Variants in QSOX2 observed in about 807,000 individuals in gnomAD.
The protein encoded by QSOX2 is sulfhydryl oxidase 2.
In QSOX2, 46 loss-of-function variants were observed where a neutral mutation model predicts 61.7. The observed-to-expected ratio is 0.75, with a 90% CI of 0.59 to 0.95. QSOX2 has a LOEUF of 0.95. Ranked by LOEUF, QSOX2 falls within the 40% of genes least tolerant of loss-of-function variation. The probability of loss-of-function intolerance (pLI) is 0.00; values close to 1 mark genes in which losing one functional copy is unlikely to be tolerated. For synonymous variants in QSOX2, 383 were observed against 388.4 expected (o/e 0.99, Z 0.16); for missense variants, 879 against 918.9 (o/e 0.96, Z 0.56).
intron 2 of QSOX2, among the ~76,000 whole-genome samples, chr9:136,226,496 A>C (rs1191569232): frequency 6.6e-6 from 1 of 152,158 alleles, no homozygotes; most frequent in Non-Finnish European, 1.5e-5. Flanking sequence ...TGCAGGCTGC[A>C]GGGGGTCTTT....
intron 1 of QSOX2, among the ~76,000 whole-genome samples, chr9:136,240,572 T>C (rs982218731): frequency 6.6e-6 from 1 of 152,188 alleles, no homozygotes. Context: ...AGCCCCCTCT[T>C]GGCTGAGCAA....
chr9:136,228,778 A>G (rs946784382), intron 1 of QSOX2, among the ~76,000 whole-genome samples: 1 of 152,180 alleles, frequency 6.6e-6, no homozygotes, highest in Non-Finnish European at 1.5e-5. Flanking sequence ...AACGGGAGGG[A>G]ACGTTATGTC....
At chr9:136,241,187 A>G (rs12345565) in intron 1 of QSOX2, among the ~76,000 whole-genome samples, 24,917 of 152,142 alleles carry the variant, frequency 0.16, 4,136 homozygotes, top group African/African-American at 0.43. Flanking sequence ...CAGCGGGGCT[A>G]CATTAAGCCA....
intron 1 of QSOX2, among the ~76,000 whole-genome samples, chr9:136,234,922 A>AC (rs1830366952): frequency 6.6e-6 from 1 of 151,198 alleles, no homozygotes; most frequent in African/African-American, 2.4e-5. Context: ...GGACTGTGTG[A>AC]CCCCCGCTCC....
At chr9:136,232,441 C>A (rs1830340119) in intron 1 of QSOX2, among the ~76,000 whole-genome samples, 1 of 151,984 alleles carries the variant, frequency 6.6e-6, no homozygotes, top group African/African-American at 2.4e-5. Context: ...AGCCACACGG[C>A]CTAGAAATAT....
chr9:136,218,535 T>C (rs897014545), intron 8 of QSOX2, 144 bp downstream of exon 8: 8 of 959,990 alleles, frequency 8.3e-6, no homozygotes, highest in Middle Eastern at 3.4e-4. Context: ...TGGAATGAGT[T>C]GGGGCGTGGG....
In QSOX2 at chr9:136,222,027, A is replaced by T; in HGVS notation, c.676-86T>A. 2 of 1,361,400 alleles carry T rather than the reference A, an allele frequency of 1.5e-6. No homozygotes were observed. Among genetic ancestry groups the T allele is most frequent in the Non-Finnish European group, 2.0e-6 (2 of 1,021,614 alleles). The allele number at this position is 1,361,400 out of a possible 1,614,324, so 84.3% of individuals were successfully genotyped here. On this transcript the variant is annotated intron_variant, in intron 5 of 11. Transcript: ENST00000358701. The surrounding 1 kb of genome is among the most constrained non-coding windows in gnomAD (Gnocchi z 6.9). ...CGTGCAGACACATGGCCTTGCAGGG[A>T]ACCTTTCACAAAAGGGCATGAAGTC...
chr9:136,226,500 G>C (rs972825897), intron 2 of QSOX2, among the ~76,000 whole-genome samples: 4 of 152,144 alleles, frequency 2.6e-5, no homozygotes, highest in Non-Finnish European at 2.9e-5. Context: ...GGCTGCAGGG[G>C]GTCTTTTCAC....
chr9:136,216,717 G>C lies in QSOX2; in HGVS notation c.1092C>G (p.Phe364Leu). The change falls in exon 9 of 12, where the codon TTC becomes TTG. Residue 364 changes from phenylalanine (F) to leucine (L), a missense_variant. Coordinates refer to ENST00000358701, the MANE Select transcript of QSOX2 (RefSeq NM_181701.4). ...KDFVTVLAKL[F>L]PGRPPVKKLL... ...GCTTCTTGACTGGCGGCCGTCCAGGGAACAGCTGCATGAGGAAGGAGCCAC... is the reference window on the plus strand; with the variant it reads ...GCTTCTTGACTGGCGGCCGTCCAGGCAACAGCTGCATGAGGAAGGAGCCAC... 6.2e-7 allele frequency: 1 copy of C among 1,613,486 alleles called. No homozygotes were observed. The highest frequency in any genetic ancestry group is 8.5e-7 in the Non-Finnish European group (1 of 1,179,924).
chr9:136,238,411 C>T (rs1019172550), intron 1 of QSOX2, among the ~76,000 whole-genome samples: 2 of 152,226 alleles, frequency 1.3e-5, no homozygotes, highest in Admixed American at 1.3e-4. Flanking sequence ...GTCTACATGA[C>T]CTGAAACCAC....
At chr9:136,230,572 C>A (rs970692904) in intron 1 of QSOX2, among the ~76,000 whole-genome samples, 1 of 152,244 alleles carries the variant, frequency 6.6e-6, no homozygotes, top group African/African-American at 2.4e-5. Context: ...GTGACGGCAT[C>A]CTTATCACGT....
Position 136,209,723 on chromosome 9 carries a change from C to A in QSOX2, c.1550-448G>T, listed in dbSNP as rs1321405534. 2 of 984,870 alleles carry A rather than the reference C, an allele frequency of 2.0e-6. No individual in the cohort carries two copies. The highest frequency in any genetic ancestry group is 2.4e-6 in the Non-Finnish European group (2 of 829,752). The allele number at this position is 984,870 out of a possible 1,614,324, so 61.0% of individuals were successfully genotyped here. On this transcript the variant is annotated intron_variant, in intron 11 of 11. Transcript: ENST00000358701. The surrounding 1 kb of genome is among the most constrained non-coding windows in gnomAD (Gnocchi z 5.6). The stretch of plus-strand genomic sequence containing the variant: ...CCTGAGGCCCACTACCTACAGAGCC[C>A]CGGCCACCTGGGTGCTATGGACAGT...
intron 1 of QSOX2, among the ~76,000 whole-genome samples, chr9:136,231,897 T>TCTCCACCACCTCCACCCC (rs1830334369): frequency 2.8e-5 from 1 of 36,118 alleles, no homozygotes; most frequent in Non-Finnish European, 6.3e-5. Flanking sequence ...CCCTCCACCC[T>TCTCCACCACCTCCACCCC]CTCCACCCCC....
chr9:136,215,307 G>C lies in QSOX2; in HGVS notation c.1210-3C>G. 2 of 1,579,342 alleles carry C rather than the reference G, an allele frequency of 1.3e-6. No homozygotes were observed. Among genetic ancestry groups the C allele is most frequent in the Non-Finnish European group, 1.7e-6 (2 of 1,164,290 alleles). ...TTAGTAAGGAATATTCCAGAAATCT[G>C]AAAAACAAACAAACAAAAAAACCCC... is the stretch of plus-strand genomic sequence containing the variant. On this transcript the variant is annotated splice_region_variant and splice_polypyrimidine_tract_variant and intron_variant, in intron 9 of 11. Transcript: ENST00000358701.
intron 1 of QSOX2, among the ~76,000 whole-genome samples, chr9:136,239,143 A>G (rs542224146): frequency 1.3e-5 from 2 of 152,158 alleles, no homozygotes; most frequent in South Asian, 4.2e-4. Flanking sequence ...TTTCTTTCTA[A>G]TTGGTCTGTT....
chr9:136,231,627 C>T (rs1055673762), intron 1 of QSOX2, among the ~76,000 whole-genome samples: 55 of 152,274 alleles, frequency 3.6e-4, no homozygotes, highest in Admixed American at 9.2e-4. Flanking sequence ...TGCGAAATGA[C>T]GCGGCAGAAG....
rs1158153946 is a variant in QSOX2 at position 136,208,076 on chromosome 9, GGTGTC to G, written c.*647_*651del. The G allele has an allele frequency of 3.3e-5, 5 of 152,030 alleles. No homozygotes were observed. The highest frequency in any genetic ancestry group is 3.3e-4 in the Admixed American group (5 of 15,236). 9.4% of individuals were successfully genotyped at this position (152,030 alleles called of 1,614,324 possible). On this transcript the variant is annotated 3_prime_UTR_variant, in exon 12 of 12. Coordinates refer to ENST00000358701, the MANE Select transcript of QSOX2 (RefSeq NM_181701.4). ...CTCCCCTGTTGAAATCCCCACGTCT[GGTGTC>G]GAACACCCGGAGGAACAAGGAGAGC...
At chr9:136,238,305 C>T (rs550088484) in intron 1 of QSOX2, among the ~76,000 whole-genome samples, 16 of 152,360 alleles carry the variant, frequency 1.1e-4, no homozygotes, top group South Asian at 2.1e-4. Flanking sequence ...GAGCGAAACA[C>T]GCTGCTCCGC....
Position 136,211,304 on chromosome 9 carries a change from C to G in QSOX2, c.1509G>C (p.Trp503Cys), listed in dbSNP as rs376036294. The G allele has an allele frequency of 1.2e-4, 199 of 1,614,122 alleles. No homozygotes were observed. The highest frequency in any genetic ancestry group is 1.2e-4 in the Non-Finnish European group (143 of 1,180,048). Residue 503 changes from tryptophan to cysteine, a missense_variant, in exon 11 of 12, where the codon TGG (tryptophan) becomes TGC (cysteine). Trp to Cys is a radical substitution (Grantham distance 215). Coordinates refer to ENST00000358701, the MANE Select transcript of QSOX2 (RefSeq NM_181701.4). Reference sequence around the variant, plus strand: ...TCACCATATTATGCTTCTTCCACAGCCAGAGGATGGCTTGGTCTGGGGTTT... The same window carrying G: ...TCACCATATTATGCTTCTTCCACAGGCAGAGGATGGCTTGGTCTGGGGTTT... ...SVKTPDQAIL[W>C]LWKKHNMVNG...
Sources: allele counts gnomAD v4.1 joint callset (sites outside exome capture counted in the v4.1 genomes callset), GRCh38; gene constraint gnomAD v4.1.1; non-coding constraint Gnocchi (gnomAD v3.1); transcripts MANE v1.5; gene names NCBI Gene and HGNC (gene_info 2026-07-23, HGNC 2026-07-21).